Variants in GPC5 observed in about 807,000 individuals in gnomAD.
The protein encoded by GPC5 is glypican-5.
GPC5 carries 47 observed loss-of-function variants against 53.9 expected under a neutral mutation model. The ratio of observed to expected loss-of-function variants is 0.87; its 90% confidence interval spans 0.69 to 1.11. The LOEUF is 1.11. Among genes scored for constraint, GPC5 ranks in the 50% most tolerant of loss-of-function variants. GPC5 has a pLI of 0.00. For synonymous variants in GPC5, 286 were observed against 263.3 expected (o/e 1.09, Z -0.84); for missense variants, 748 against 713.1 (o/e 1.05, Z -0.56).
intron 7 of GPC5, chr13:92,659,112 T>C (rs1477963090): frequency 6.6e-6 from 1 of 150,376 alleles, no homozygotes; most frequent in Admixed American, 6.6e-5. Context: ...GTATTTTTAG[T>C]AGAGACGGGG....
chr13:91,801,883 A>G (rs1423200535), intron 5 of GPC5, among the ~76,000 whole-genome samples: 2 of 152,180 alleles, frequency 1.3e-5, no homozygotes, highest in Non-Finnish European at 2.9e-5. Flanking sequence ...CAGGGAGGTG[A>G]CAGCTCTCTG....
At chr13:92,410,215 A>AC (rs1442526935) in intron 7 of GPC5, among the ~76,000 whole-genome samples, 1 of 152,198 alleles carries the variant, frequency 6.6e-6, no homozygotes, top group Non-Finnish European at 1.5e-5. Context: ...TGACCTGAAT[A>AC]TACTAATTTT....
At chr13:91,874,199 A>G (rs1455985451) in intron 5 of GPC5, among the ~76,000 whole-genome samples, 1 of 152,158 alleles carries the variant, frequency 6.6e-6, no homozygotes, top group Non-Finnish European at 1.5e-5. Flanking sequence ...ATTAATATGA[A>G]GCCCTCTTTC....
In GPC5 at chr13:91,850,253, G is replaced by T. The variant is rs370347781; in HGVS notation, c.1281-57684G>T. Among the ~76,000 whole-genome samples, 10 of 152,138 alleles carry T rather than the reference G, an allele frequency of 6.6e-5. No individual in the cohort carries two copies. In the East Asian group the frequency reaches 1.4e-3, roughly 21 times the overall value. On this transcript the variant is annotated intron_variant, in intron 5 of 7. Transcript: ENST00000377067. ...ACAATAAAACCATCACTATATCTCT[G>T]ACATCCATGCTTTTTGCCAAATCTG... is the stretch of plus-strand genomic sequence containing the variant.
chr13:92,602,635 C>T (rs1294507857), intron 7 of GPC5, among the ~76,000 whole-genome samples: 1 of 151,954 alleles, frequency 6.6e-6, no homozygotes, highest in Non-Finnish European at 1.5e-5. Context: ...CAGTATAGGC[C>T]AAAAATGAAA....
At chr13:91,978,577 A>G (rs1414766374) in intron 6 of GPC5, among the ~76,000 whole-genome samples, 2 of 152,194 alleles carry the variant, frequency 1.3e-5, no homozygotes, top group Admixed American at 1.3e-4. Context: ...TCTAGCTGAC[A>G]TTTGATTTGT....
At chr13:91,509,091 T>C (rs1324246387) in intron 2 of GPC5, among the ~76,000 whole-genome samples, 2 of 152,170 alleles carry the variant, frequency 1.3e-5, no homozygotes, top group Non-Finnish European at 2.9e-5. Flanking sequence ...AGTTCACAGT[T>C]GATACTGGAA....
intron 7 of GPC5, among the ~76,000 whole-genome samples, chr13:92,546,326 TA>T (rs1882110113): frequency 6.6e-6 from 1 of 152,052 alleles, no homozygotes; most frequent in South Asian, 2.1e-4. Context: ...AGTCTCAGGA[TA>T]AAAAAATCAA....
At chr13:91,689,226 T>TAC (rs1461917822) in intron 2 of GPC5, among the ~76,000 whole-genome samples, 6 of 101,382 alleles carry the variant, frequency 5.9e-5, no homozygotes, top group African/African-American at 2.2e-4. Context: ...TATATATATA[T>TAC]ATATACACAT....
At chr13:91,979,848 C>T (rs1040258570) in intron 6 of GPC5, among the ~76,000 whole-genome samples, 8 of 152,180 alleles carry the variant, frequency 5.3e-5, no homozygotes, top group Non-Finnish European at 7.3e-5. Flanking sequence ...GATGCCTGCC[C>T]TGTGTGATCA....
At chr13:91,830,883 A>T (rs2038646906) in intron 5 of GPC5, among the ~76,000 whole-genome samples, 2 of 135,196 alleles carry the variant, frequency 1.5e-5, no homozygotes, top group Admixed American at 8.2e-5. Flanking sequence ...ATATCCTATT[A>T]TATATAATAT....
chr13:92,435,248 A>G (rs1877255574), intron 7 of GPC5, among the ~76,000 whole-genome samples: 1 of 152,196 alleles, frequency 6.6e-6, no homozygotes, highest in African/African-American at 2.4e-5. Flanking sequence ...TAAATGACAT[A>G]TAGTATCCCC....
intron 3 of GPC5, among the ~76,000 whole-genome samples, chr13:91,701,600 C>G (rs2035993759): frequency 6.6e-6 from 1 of 151,422 alleles, no homozygotes; most frequent in South Asian, 2.1e-4. Context: ...TGTGTATTCT[C>G]TTATTCCATA....
intron 5 of GPC5, among the ~76,000 whole-genome samples, chr13:91,878,244 C>T (rs1281047259): frequency 2.6e-5 from 4 of 152,068 alleles, no homozygotes; most frequent in Non-Finnish European, 5.9e-5. Flanking sequence ...GAGTAATTAA[C>T]CCTCATAGTT....
intron 6 of GPC5, among the ~76,000 whole-genome samples, chr13:91,926,507 A>C (rs1234621320): frequency 6.6e-6 from 1 of 152,154 alleles, no homozygotes; most frequent in Non-Finnish European, 1.5e-5. Context: ...GCTGATATCC[A>C]GACCTGTTCC....
Position 91,756,412 on chromosome 13 carries a change from A to G in GPC5, c.1272A>G (p.Ile424Met). ...TTCCCTGCTGGAATGGAGAAGATATAGTAAAAAGGTATTTTATGTGGTCTG... is the reference window on the plus strand; with the variant it reads ...TTCCCTGCTGGAATGGAGAAGATATGGTAAAAAGGTATTTTATGTGGTCTG... ...DGLPCWNGED[I>M]VKSYTQRVVG... The change falls in exon 5 of 8, where the codon ATA (isoleucine) becomes ATG (methionine). Residue 424 changes from isoleucine (I) to methionine (M), a missense_variant. Ile to Met is a conservative substitution (Grantham distance 10, BLOSUM62 1). Transcript: ENST00000377067. 1.9e-6 allele frequency: 3 copies of G among 1,581,502 alleles called. No homozygotes were observed. The highest frequency in any genetic ancestry group is 2.6e-6 in the Non-Finnish European group (3 of 1,157,884).
intron 7 of GPC5, among the ~76,000 whole-genome samples, chr13:92,845,533 CTGAT>C (rs1351717067): frequency 2.6e-5 from 4 of 152,204 alleles, no homozygotes; most frequent in Admixed American, 2.0e-4. Flanking sequence ...AGGACATTAA[CTGAT>C]TGATTATCTG....
At chr13:92,748,311 T>TATTA (rs1555309005) in intron 7 of GPC5, among the ~76,000 whole-genome samples, 16 of 142,352 alleles carry the variant, frequency 1.1e-4, no homozygotes, top group African/African-American at 3.6e-4. Flanking sequence ...TGCATTTTAT[T>TATTA]TTATTATTAT....
intron 2 of GPC5, among the ~76,000 whole-genome samples, chr13:91,614,417 C>T (rs538415742): frequency 1.1e-4 from 17 of 152,212 alleles, no homozygotes; most frequent in East Asian, 3.9e-4. Flanking sequence ...AACCTCCCTC[C>T]GCCTCCTTAG....
Sources: allele counts gnomAD v4.1 joint callset (sites outside exome capture counted in the v4.1 genomes callset), GRCh38; gene constraint gnomAD v4.1.1; transcripts MANE v1.5; gene names NCBI Gene and HGNC (gene_info 2026-07-23, HGNC 2026-07-21).